ZNF385D: variants seen among roughly 807,000 people sequenced by gnomAD.
ZNF385D encodes zinc finger protein 385D, also known as zinc finger protein 659.
ZNF385D carries 15 observed loss-of-function variants against 35.8 expected under a neutral mutation model. The observed-to-expected ratio is 0.42, with a 90% CI of 0.28 to 0.64. The LOEUF is 0.64. Ranked by LOEUF, ZNF385D falls within the 30% of genes least tolerant of loss-of-function variation. ZNF385D has a pLI of 0.23. For synonymous variants in ZNF385D, 212 were observed against 186.8 expected, an observed-to-expected ratio of 1.13 and a Z score of -1.10; for missense variants, 474 against 494.6, an observed-to-expected ratio of 0.96 and a Z score of 0.39.
intron 1 of ZNF385D, among the ~76,000 whole-genome samples, chr3:21,707,147 G>A (rs555713048): frequency 2.0e-5 from 3 of 152,158 alleles, no homozygotes; most frequent in Non-Finnish European, 2.9e-5. Context: ...CACACTGCCA[G>A]GAGAAAAGGA....
chr3:21,848,949 A>T (rs1279909934), intron 3 of ZNF385D, among the ~76,000 whole-genome samples: 1 of 152,116 alleles, frequency 6.6e-6, no homozygotes, highest in Non-Finnish European at 1.5e-5. Context: ...ATAAACATGA[A>T]CATTATCTTC....
chr3:21,439,747 A>C (rs889679082), intron 4 of ZNF385D, among the ~76,000 whole-genome samples: 2 of 152,092 alleles, frequency 1.3e-5, no homozygotes, highest in African/African-American at 4.8e-5. Flanking sequence ...GATAATGTAC[A>C]TTTAAACCAA....
intron 3 of ZNF385D, among the ~76,000 whole-genome samples, chr3:22,024,928 A>G (rs1697444259): frequency 6.6e-6 from 1 of 152,088 alleles, no homozygotes; most frequent in Non-Finnish European, 1.5e-5. Context: ...TCCTGTAGAG[A>G]AAGAGCTGAA....
intron 1 of ZNF385D, among the ~76,000 whole-genome samples, chr3:21,696,489 A>G (rs2067475391): frequency 6.6e-6 from 1 of 152,244 alleles, no homozygotes; most frequent in Non-Finnish European, 1.5e-5. Context: ...ACAGTCATGT[A>G]GAAGCTGGCC....
intron 3 of ZNF385D, among the ~76,000 whole-genome samples, chr3:21,810,463 G>A (rs541584858): frequency 6.6e-6 from 1 of 152,064 alleles, no homozygotes; most frequent in South Asian, 2.1e-4. Context: ...CATGGCACAT[G>A]TATACATATG....
chr3:21,708,861 G>A (rs2067999160), intron 1 of ZNF385D, among the ~76,000 whole-genome samples: 1 of 148,274 alleles, frequency 6.7e-6, no homozygotes, highest in Non-Finnish European at 1.5e-5. Flanking sequence ...GTGTGGGCGT[G>A]CACACACACA....
At chr3:22,146,792 T>C (rs1283498367) in intron 3 of ZNF385D, among the ~76,000 whole-genome samples, 1 of 152,142 alleles carries the variant, frequency 6.6e-6, no homozygotes, top group Non-Finnish European at 1.5e-5. Context: ...GATTGCTGAG[T>C]AGACCAAAAT....
At chr3:21,802,977 A>T (rs903264482) in intron 3 of ZNF385D, among the ~76,000 whole-genome samples, 3 of 152,154 alleles carry the variant, frequency 2.0e-5, no homozygotes, top group Non-Finnish European at 4.4e-5. Context: ...ACGAGTGGAA[A>T]TTTGGATAAA....
chr3:21,603,452 C>T (rs2064378717), intron 2 of ZNF385D, among the ~76,000 whole-genome samples: 2 of 151,990 alleles, frequency 1.3e-5, no homozygotes, highest in African/African-American at 4.8e-5. Flanking sequence ...TTGTAAGAGT[C>T]CAAAACTGGT....
chr3:21,777,910 CTGACA>C (rs995126772), intron 3 of ZNF385D: 22 of 151,878 alleles, frequency 1.4e-4, no homozygotes, highest in African/African-American at 4.6e-4. Context: ...AGCTTAAAAC[CTGACA>C]TAAGAAGCGG....
Position 22,091,590 on chromosome 3 carries a change from G to GAAA in ZNF385D, c.325+77224_325+77226dup, listed in dbSNP as rs36109971. 6.0e-4 allele frequency among the ~76,000 whole-genome samples: 90 copies of GAAA among 150,570 alleles called. 1 individual carries two copies. Among genetic ancestry groups the GAAA allele is most frequent in the Admixed American group, 1.3e-3 (20 of 15,112 alleles). ...AGTTATTGTTTTATCTACCCAGTAG[G>GAAA]AAAAAAAAAGCCCTCTAGGTATGTA... On this transcript the variant is annotated intron_variant, in intron 3 of 5. Coordinates refer to the ZNF385D transcript ENST00000494108.
intron 3 of ZNF385D, among the ~76,000 whole-genome samples, chr3:21,998,931 C>A (rs1040743350): frequency 6.6e-6 from 1 of 152,078 alleles, no homozygotes; most frequent in Non-Finnish European, 1.5e-5. Context: ...CAGAAATTTT[C>A]TTTTGTGGTG....
chr3:21,744,783 T>C (rs375501565), intron 1 of ZNF385D, among the ~76,000 whole-genome samples: 4 of 152,192 alleles, frequency 2.6e-5, no homozygotes, highest in East Asian at 1.9e-4. Context: ...AAAAAGATTA[T>C]GGAATTTATC....
chr3:21,932,416 T>A (rs920586502), intron 3 of ZNF385D, among the ~76,000 whole-genome samples: 1 of 151,730 alleles, frequency 6.6e-6, no homozygotes, highest in African/African-American at 2.4e-5. Flanking sequence ...GGATAGATTT[T>A]TTTTTTAATT....
intron 3 of ZNF385D, among the ~76,000 whole-genome samples, chr3:22,152,615 C>T (rs2125722559): frequency 6.6e-6 from 1 of 152,264 alleles, no homozygotes; most frequent in African/African-American, 2.4e-5. Context: ...ACCTCTGCTT[C>T]CACAGTAACA....
intron 1 of ZNF385D, among the ~76,000 whole-genome samples, chr3:21,743,607 AG>A (rs1278621582): frequency 6.6e-6 from 1 of 152,224 alleles, no homozygotes; most frequent in East Asian, 1.9e-4. Context: ...TGGTGGAAAG[AG>A]GAAGCTCTCA....
At chr3:21,757,296 C>T (rs537613131) in intron 3 of ZNF385D, among the ~76,000 whole-genome samples, 12 of 151,952 alleles carry the variant, frequency 7.9e-5, no homozygotes, top group African/African-American at 2.9e-4. Context: ...GAGCATGCCA[C>T]CATGCCAGGC....
intron 3 of ZNF385D, among the ~76,000 whole-genome samples, chr3:22,088,916 G>GA (rs1240369653): frequency 3.3e-5 from 5 of 151,680 alleles, no homozygotes; most frequent in Non-Finnish European, 4.4e-5. Flanking sequence ...AAGCAGAGAT[G>GA]AAAAAAAACT....
At chr3:22,166,725 T>C (rs1706355475) in intron 3 of ZNF385D, among the ~76,000 whole-genome samples, 1 of 152,238 alleles carries the variant, frequency 6.6e-6, no homozygotes, top group South Asian at 2.1e-4. Flanking sequence ...TCTTTGGCTA[T>C]TCTAAATTAT....
Sources: allele counts gnomAD v4.1 joint callset (sites outside exome capture counted in the v4.1 genomes callset), GRCh38; gene constraint gnomAD v4.1.1; transcripts MANE v1.5; gene names NCBI Gene and HGNC (gene_info 2026-07-23, HGNC 2026-07-21).